The following PRKCB variants were observed in gnomAD, a reference collection of about 807,000 sequenced individuals.
The protein encoded by PRKCB is protein kinase C beta, also known as protein kinase C beta type.
PRKCB carries 13 observed loss-of-function variants against 81.5 expected under a neutral mutation model. The ratio of observed to expected loss-of-function variants is 0.16; its 90% CI spans 0.10 to 0.25. PRKCB has a LOEUF of 0.25. Ranked by LOEUF, PRKCB falls within the 10% of genes least tolerant of loss-of-function variation. The pLI, the probability that PRKCB is intolerant of heterozygous loss-of-function variation, is 1.00. For missense variants in PRKCB, 509 were observed against 875.7 expected (o/e 0.58, Z 5.29); for synonymous variants, 335 against 321.4 (o/e 1.04, Z -0.45).
At chr16:24,061,916 A>AT (rs1567360988) in intron 5 of PRKCB, among the ~76,000 whole-genome samples, 3 of 148,434 alleles carry the variant, frequency 2.0e-5, no homozygotes, top group African/African-American at 7.5e-5. Flanking sequence ...TAAATAAAAA[A>AT]AAAAAAAAAA....
Position 24,180,832 on chromosome 16 carries a change from C to G in PRKCB, c.1437C>G (p.His479Gln). 6.2e-7 allele frequency: 1 copy of G among 1,614,200 alleles called. No homozygotes were observed. Among genetic ancestry groups the G allele is most frequent in the Non-Finnish European group, 8.5e-7 (1 of 1,180,026 alleles). Residue 479 changes from histidine to glutamine, a missense_variant, in exon 13 of 17, where the codon CAC (histidine) becomes CAG (glutamine). His to Gln is a conservative substitution (Grantham distance 24). Around this residue, in one of 6 missense-constraint regions of PRKCB, gnomAD observed 106 missense variants for 214.0 expected, o/e 0.50. Transcript: ENST00000643927. ...LDNVMLDSEG[H>Q]IKIADFGMCK... ...ACGTGATGCTCGATTCTGAGGGACACATCAAGATTGCCGATTTTGGCATGT... is the reference window on the plus strand; with the variant it reads ...ACGTGATGCTCGATTCTGAGGGACAGATCAAGATTGCCGATTTTGGCATGT...
intron 5 of PRKCB, among the ~76,000 whole-genome samples, chr16:24,081,013 A>G (rs1966242111): frequency 6.6e-6 from 1 of 152,166 alleles, no homozygotes; most frequent in Admixed American, 6.5e-5. Flanking sequence ...ACAAGCAAAT[A>G]TCTCAAATAT....
intron 9 of PRKCB, among the ~76,000 whole-genome samples, chr16:24,135,870 C>T (rs895176893): frequency 6.6e-6 from 1 of 152,154 alleles, no homozygotes; most frequent in African/African-American, 2.4e-5. Context: ...GCCTGCTTTG[C>T]TATCTTCCTG....
intron 8 of PRKCB, among the ~76,000 whole-genome samples, chr16:24,118,784 G>A (rs1373906839): frequency 1.3e-5 from 2 of 152,156 alleles, no homozygotes; most frequent in Non-Finnish European, 1.5e-5. Context: ...GATAAAGGAC[G>A]AGTTTAATTT....
chr16:24,045,666 G>C (rs1304654089), intron 5 of PRKCB, among the ~76,000 whole-genome samples: 1 of 152,156 alleles, frequency 6.6e-6, no homozygotes, highest in African/African-American at 2.4e-5. Flanking sequence ...TGTGGTCTGG[G>C]GACCAGCTGC....
intron 3 of PRKCB, among the ~76,000 whole-genome samples, chr16:24,020,203 C>T (rs1965340342): frequency 6.6e-6 from 1 of 152,172 alleles, no homozygotes; most frequent in Admixed American, 6.5e-5. Context: ...AAATTGTCTA[C>T]TTCATTTTAA....
intron 2 of PRKCB, among the ~76,000 whole-genome samples, chr16:23,901,317 A>G (rs1192532604): frequency 6.6e-6 from 1 of 152,102 alleles, no homozygotes; most frequent in East Asian, 1.9e-4. Flanking sequence ...CCTAAGGGTA[A>G]GTAGACAGCA....
At chr16:23,927,940 T>C (rs1963918980) in intron 2 of PRKCB, among the ~76,000 whole-genome samples, 2 of 151,846 alleles carry the variant, frequency 1.3e-5, no homozygotes, top group Admixed American at 6.6e-5. Flanking sequence ...AGGGTGGAGA[T>C]CTGAGCCTTA....
chr16:24,078,849 G>A (rs1003442825), intron 5 of PRKCB, among the ~76,000 whole-genome samples: 4 of 152,122 alleles, frequency 2.6e-5, no homozygotes, highest in Admixed American at 1.3e-4. Context: ...CAGGGAAACC[G>A]CTGTAGAAAA....
chr16:24,157,503 C>T (rs1967179241), intron 10 of PRKCB, among the ~76,000 whole-genome samples: 2 of 151,024 alleles, frequency 1.3e-5, no homozygotes, highest in African/African-American at 4.9e-5. Context: ...GTGTGCTTCC[C>T]TTTCTGCCAT....
intron 2 of PRKCB, among the ~76,000 whole-genome samples, chr16:23,928,091 AG>A (rs946029641): frequency 9.2e-5 from 14 of 151,716 alleles, no homozygotes; most frequent in African/African-American, 3.1e-4. Flanking sequence ...TAGAAATGAA[AG>A]AATGTATAGG....
chr16:24,052,901 G>A, intron 5 of PRKCB, among the ~76,000 whole-genome samples: 1 of 152,148 alleles, frequency 6.6e-6, no homozygotes, highest in South Asian at 2.1e-4. Context: ...GTAGGTCTCA[G>A]CCTTATTTTA....
chr16:24,024,277 G>A lies in PRKCB; in HGVS notation c.289-7859G>A, dbSNP rs546635349. Among the ~76,000 whole-genome samples, 388 of 152,340 alleles carry A rather than the reference G, an allele frequency of 2.5e-3. 1 individual carries two copies. The highest frequency in any genetic ancestry group is 4.4e-3 in the Non-Finnish European group (298 of 68,034). ...ATCTAATGAAGTTGAACTCACAGAAGTAGAGAGTAGAATGATGGTTACCAG... is the reference window on the plus strand; with the variant it reads ...ATCTAATGAAGTTGAACTCACAGAAATAGAGAGTAGAATGATGGTTACCAG... On this transcript the variant is annotated intron_variant, in intron 3 of 16. Coordinates refer to ENST00000643927, the MANE Select transcript of PRKCB (RefSeq NM_002738.7).
chr16:23,856,428 C>A, intron 2 of PRKCB, among the ~76,000 whole-genome samples: 1 of 151,990 alleles, frequency 6.6e-6, no homozygotes, highest in African/African-American at 2.4e-5. Context: ...ATTAGAAGTT[C>A]ATGAAGTCAA....
intron 3 of PRKCB, among the ~76,000 whole-genome samples, chr16:24,009,587 G>A (rs1445849516): frequency 1.5e-5 from 2 of 137,060 alleles, no homozygotes; most frequent in African/African-American, 5.6e-5. Flanking sequence ...ACCACGCCCG[G>A]CCTATTTTTT....
chr16:24,088,080 G>A (rs750586378), intron 5 of PRKCB, among the ~76,000 whole-genome samples: 31 of 152,198 alleles, frequency 2.0e-4, no homozygotes, highest in Non-Finnish European at 4.0e-4. Context: ...AGTCGGTCTC[G>A]CCAAGTGTGG....
At chr16:24,006,342 G>GA (rs1240723861) in intron 3 of PRKCB, among the ~76,000 whole-genome samples, 3 of 152,228 alleles carry the variant, frequency 2.0e-5, no homozygotes, top group Non-Finnish European at 4.4e-5. Context: ...TTCTAAAGGA[G>GA]AAGTAGGACT....
chr16:23,876,988 G>T (rs200189156), intron 2 of PRKCB, among the ~76,000 whole-genome samples: 1 of 6,656 alleles, frequency 1.5e-4, no homozygotes, highest in African/African-American at 5.8e-4. Flanking sequence ...AGAAGGATAT[G>T]GGGGGGGAGG....
chr16:24,175,446 T>C (rs1243951733), intron 12 of PRKCB, among the ~76,000 whole-genome samples: 1 of 151,818 alleles, frequency 6.6e-6, no homozygotes. Flanking sequence ...CTTGCCCCCG[T>C]GGAGTTTATC....
Sources: gnomAD v4.1 joint callset for allele counts (sites outside exome capture counted in the v4.1 genomes callset) on GRCh38, gnomAD v4.1.1 for gene constraint, gnomAD v4.1.1 regional missense constraint, MANE v1.5 for transcripts, NCBI Gene and HGNC (gene_info 2026-07-23, HGNC 2026-07-21) for gene names.